EHBP1: variants seen among roughly 807,000 people sequenced by gnomAD.
EHBP1 encodes the protein EH domain binding protein 1.
Under a neutral mutation model 144.0 loss-of-function variants are expected in EHBP1, and 55 were observed. The observed-to-expected ratio is 0.38, with a 90% CI of 0.31 to 0.48. The LOEUF is 0.48. EHBP1 is among the 20% of genes least tolerant of loss of function. The pLI is 0.98. For missense variants in EHBP1, 1,200 were observed against 1,364.2 expected, an observed-to-expected ratio of 0.88 and a Z score of 1.90; for synonymous variants, 469 against 472.7, an observed-to-expected ratio of 0.99 and a Z score of 0.10.
chr2:63,028,500 G>T lies in EHBP1; in HGVS notation c.3104-9035G>T, dbSNP rs1054707444. 6.9e-4 allele frequency among the ~76,000 whole-genome samples: 104 copies of T among 151,720 alleles called. 1 individual carries two copies. Among genetic ancestry groups the T allele is most frequent in the African/African-American group, 2.3e-3 (96 of 41,280 alleles). ...CCACAGGCTGGCCTTGAACTTCTAG[G>T]CTCGAGTGATCCTCCCCTCAGCCTC... On this transcript the variant is annotated intron_variant, in intron 19 of 22. Coordinates refer to ENST00000431489, the MANE Select transcript of EHBP1 (RefSeq NM_001142616.3).
intron 10 of EHBP1, chr2:62,940,125 A>G (rs550253824): frequency 7.2e-6 from 3 of 416,332 alleles, no homozygotes; most frequent in Non-Finnish European, 1.4e-5. Flanking sequence ...AATCACTACA[A>G]GAAAAACGCC....
intron 19 of EHBP1, among the ~76,000 whole-genome samples, chr2:63,010,676 A>T (rs2060227115): frequency 6.6e-6 from 1 of 151,748 alleles, no homozygotes. Flanking sequence ...TTGTGAAAAT[A>T]GAGTAAGTTT....
intron 13 of EHBP1, among the ~76,000 whole-genome samples, chr2:62,951,536 G>T (rs1348648999): frequency 1.3e-4 from 15 of 118,760 alleles, no homozygotes; most frequent in African/African-American, 2.4e-4. Context: ...TTTTTTTTTG[G>T]GGGGGGGGGG....
intron 5 of EHBP1, among the ~76,000 whole-genome samples, chr2:62,781,368 A>G (rs575128753): frequency 6.4e-4 from 97 of 152,246 alleles, no homozygotes; most frequent in East Asian, 1.3e-3. Context: ...TTGGTGGCAA[A>G]ACCTGACCTT....
intron 19 of EHBP1, among the ~76,000 whole-genome samples, chr2:63,035,581 A>C (rs564113181): frequency 6.6e-6 from 1 of 152,216 alleles, no homozygotes; most frequent in African/African-American, 2.4e-5. Context: ...GAAAACCTCA[A>C]ATTATAGGTT....
chr2:62,765,710 A>G (rs1477731895), intron 4 of EHBP1, among the ~76,000 whole-genome samples: 1 of 152,190 alleles, frequency 6.6e-6, no homozygotes, highest in Non-Finnish European at 1.5e-5. Context: ...GGTGTTGCTC[A>G]GTAAATATTT....
chr2:62,708,758 G>C (rs570877561), intron 2 of EHBP1, among the ~76,000 whole-genome samples: 5 of 152,250 alleles, frequency 3.3e-5, no homozygotes, highest in South Asian at 4.1e-4. Context: ...CATAGTTGTT[G>C]TCCAGGAAGC....
At chr2:62,774,142 G>A (rs1195505010) in intron 5 of EHBP1, among the ~76,000 whole-genome samples, 6 of 151,802 alleles carry the variant, frequency 4.0e-5, no homozygotes, top group Non-Finnish European at 5.9e-5. Flanking sequence ...AGGCCAAGGC[G>A]GGTGGATCAC....
chr2:62,867,544 G>T (rs778598526), intron 9 of EHBP1, among the ~76,000 whole-genome samples: 1 of 151,998 alleles, frequency 6.6e-6, no homozygotes, highest in Admixed American at 6.6e-5. Context: ...TGTATATACC[G>T]AAAACAACAG....
chr2:62,909,080 T>C (rs1034619762), intron 10 of EHBP1, among the ~76,000 whole-genome samples: 4 of 152,228 alleles, frequency 2.6e-5, no homozygotes, highest in African/African-American at 9.6e-5. Flanking sequence ...AAATATGTTT[T>C]CCCATAGATT....
At chr2:62,907,197 C>G (rs2053872231) in intron 10 of EHBP1, among the ~76,000 whole-genome samples, 1 of 152,172 alleles carries the variant, frequency 6.6e-6, no homozygotes, top group Non-Finnish European at 1.5e-5. Context: ...GTTTAGTGTT[C>G]TAAGAAACTG....
chr2:62,881,150 A>G (rs2051378658), intron 10 of EHBP1, among the ~76,000 whole-genome samples: 1 of 152,132 alleles, frequency 6.6e-6, no homozygotes, highest in Non-Finnish European at 1.5e-5. Context: ...ACGGAAAACC[A>G]AATACTGCAT....
chr2:63,020,502 C>CA (rs544692213), intron 19 of EHBP1, among the ~76,000 whole-genome samples: 1,180 of 105,206 alleles, frequency 0.011, 41 homozygotes, highest in Admixed American at 0.092. Flanking sequence ...GACTACATCT[C>CA]AAAAAAAAAA....
At chr2:62,841,045 G>A (rs2047796409) in intron 7 of EHBP1, among the ~76,000 whole-genome samples, 1 of 152,120 alleles carries the variant, frequency 6.6e-6, no homozygotes, top group Non-Finnish European at 1.5e-5. Context: ...GCACACATAT[G>A]TTTATTGCGG....
chr2:62,702,909 A>C (rs1167629891), upstream of EHBP1, among the ~76,000 whole-genome samples: 1 of 152,264 alleles, frequency 6.6e-6, no homozygotes, highest in African/African-American at 2.4e-5. Context: ...TTACAGGATC[A>C]TGCTTTAAGA....
intron 1 of EHBP1, chr2:62,674,229 T>C (rs1039513440): frequency 4.6e-5 from 20 of 435,684 alleles, no homozygotes; most frequent in Non-Finnish European, 9.4e-5. Flanking sequence ...AGCTACTTAA[T>C]AACTGCTGAG....
At chr2:63,008,877 T>TA (rs1459657954) in intron 19 of EHBP1, among the ~76,000 whole-genome samples, 9 of 151,662 alleles carry the variant, frequency 5.9e-5, no homozygotes, top group African/African-American at 1.7e-4. Context: ...CCATTAAAAC[T>TA]AAAAAATTAA....
intron 1 of EHBP1, among the ~76,000 whole-genome samples, chr2:62,675,376 T>C (rs779801730): frequency 1.3e-5 from 2 of 152,178 alleles, no homozygotes; most frequent in Admixed American, 6.5e-5. Context: ...TTAAAGTGTC[T>C]ATATGTGCAA....
At chr2:62,998,791 A>G (rs950007015) in intron 19 of EHBP1, among the ~76,000 whole-genome samples, 1 of 152,186 alleles carries the variant, frequency 6.6e-6, no homozygotes, top group Non-Finnish European at 1.5e-5. Flanking sequence ...ATCTGATCCT[A>G]ACTGGATCTG....
Sources: allele counts gnomAD v4.1 joint callset (sites outside exome capture counted in the v4.1 genomes callset), GRCh38; gene constraint gnomAD v4.1.1; transcripts MANE v1.5; gene names NCBI Gene and HGNC (gene_info 2026-07-23, HGNC 2026-07-21).